RGS3: variants seen among roughly 807,000 people sequenced by gnomAD.
The protein encoded by RGS3 is regulator of G protein signaling 3.
RGS3 carries 80 observed loss-of-function variants against 132.6 expected under a neutral mutation model. The observed-to-expected ratio is 0.60, with a 90% CI of 0.50 to 0.73. The LOEUF (loss-of-function observed/expected upper bound fraction) is 0.73, where lower values mean the gene tolerates loss of function less well. Ranked by LOEUF, RGS3 falls within the 30% of genes least tolerant of loss-of-function variation. The pLI, the probability that RGS3 is intolerant of heterozygous loss-of-function variation, is 0.00. For missense variants in RGS3, 1,382 were observed against 1,530.8 expected (o/e 0.90, Z 1.62); for synonymous variants, 598 against 620.6 (o/e 0.96, Z 0.54).
intron 7 of RGS3, among the ~76,000 whole-genome samples, chr9:113,490,377 T>G (rs974371652): frequency 6.6e-6 from 1 of 152,008 alleles, no homozygotes; most frequent in African/African-American, 2.4e-5. Flanking sequence ...TCTCATCTCA[T>G]CGGTATATAT....
chr9:113,516,784 G>A lies in RGS3; in HGVS notation c.1675-757G>A, dbSNP rs938124101. Among the ~76,000 whole-genome samples the A allele has an allele frequency of 2.0e-5, 3 of 151,664 alleles. No individual in the cohort carries two copies. In the South Asian group the frequency reaches 6.3e-4, roughly 32 times the overall value. On this transcript the variant is annotated intron_variant, in intron 15 of 24. Coordinates refer to ENST00000350696, the Ensembl canonical transcript of RGS3. Reference sequence around the variant, plus strand: ...TGATCACAGCTCACTGTAACCTCAAGCTCCTGGCCTCAAATGATCCTTCCA... The same window carrying A: ...TGATCACAGCTCACTGTAACCTCAAACTCCTGGCCTCAAATGATCCTTCCA...
intron 19 of RGS3, among the ~76,000 whole-genome samples, chr9:113,561,043 A>G (rs1833759460): frequency 6.6e-6 from 1 of 151,978 alleles, no homozygotes; most frequent in African/African-American, 2.4e-5. Context: ...TTTCTTTTTG[A>G]AATGGAGTCT....
At chr9:113,535,521 G>A (rs1295658862) in intron 18 of RGS3, among the ~76,000 whole-genome samples, 2 of 152,194 alleles carry the variant, frequency 1.3e-5, no homozygotes, top group African/African-American at 4.8e-5. Flanking sequence ...ACTAGTGACT[G>A]TTTGTTGAGG....
intron 19 of RGS3, among the ~76,000 whole-genome samples, chr9:113,539,639 C>G (rs1003718601): frequency 1.3e-5 from 2 of 152,176 alleles, no homozygotes; most frequent in Admixed American, 6.5e-5. Flanking sequence ...ACCCCCACCC[C>G]ACCCCTGCAC....
At chr9:113,546,455 C>T (rs766667295) in intron 19 of RGS3, among the ~76,000 whole-genome samples, 5 of 152,084 alleles carry the variant, frequency 3.3e-5, no homozygotes, top group Non-Finnish European at 7.4e-5. Context: ...TTGTCCGGTC[C>T]GTAGTAGGTG....
intron 3 of RGS3, among the ~76,000 whole-genome samples, chr9:113,475,362 GA>G (rs1163710829): frequency 7.2e-5 from 11 of 151,992 alleles, no homozygotes; most frequent in African/African-American, 2.7e-4. Context: ...GGGGAGTGTT[GA>G]AAAAAACAGA....
chr9:113,515,754 CTATATTT>C (rs1310209842), intron 15 of RGS3, among the ~76,000 whole-genome samples: 7 of 152,182 alleles, frequency 4.6e-5, no homozygotes, highest in Non-Finnish European at 1.0e-4. Flanking sequence ...AGACCTTATT[CTATATTT>C]TATATCATGT....
At chr9:113,489,623 T>A (rs72761906) in intron 7 of RGS3, among the ~76,000 whole-genome samples, 27,733 of 151,952 alleles carry the variant, frequency 0.18, 2,646 homozygotes, top group African/African-American at 0.21. Flanking sequence ...TCCTGGGCTC[T>A]AATGACCCTC....
In RGS3 at chr9:113,479,555, T is replaced by C. The variant is rs755581123; in HGVS notation, c.466+14T>C. ...TGCTGCTTCACAGTGAGTACGGCTT[T>C]GTGCAGGCTCACCAAGGAAGGGGCG... On this transcript the variant is annotated intron_variant, in intron 4 of 24. Transcript: ENST00000350696. The C allele has an allele frequency of 6.2e-7, 1 of 1,613,804 alleles. No homozygotes were observed. Among genetic ancestry groups the C allele is most frequent in the South Asian group, 1.1e-5 (1 of 91,048 alleles).
chr9:113,584,404 C>G, exon 20 of RGS3: 1 of 1,523,858 alleles, frequency 6.6e-7, no homozygotes, highest in Non-Finnish European at 8.7e-7. Flanking sequence ...CCACCTTTCC[C>G]TCTTCTTCAC....
chr9:113,526,823 C>A (rs567434964), intron 17 of RGS3, among the ~76,000 whole-genome samples: 2 of 152,298 alleles, frequency 1.3e-5, no homozygotes, highest in Non-Finnish European at 1.5e-5. Context: ...TTTCAAAATG[C>A]CAAGGCAGTT....
intron 10 of RGS3, chr9:113,501,487 C>T: frequency 2.6e-6 from 4 of 1,514,230 alleles, no homozygotes; most frequent in Non-Finnish European, 3.5e-6. Context: ...CCAGGGTGCT[C>T]ATGCCAGGCT....
At chr9:113,566,781 A>G (rs1456758483) in intron 19 of RGS3, among the ~76,000 whole-genome samples, 1 of 152,216 alleles carries the variant, frequency 6.6e-6, no homozygotes, top group East Asian at 1.9e-4. Context: ...GTCCTCTCCC[A>G]GTGCTAGAGT....
intron 8 of RGS3, 73 bp from the exon 7 acceptor site, chr9:113,497,240 AG>A (rs1830716470): frequency 2.5e-6 from 3 of 1,198,646 alleles, no homozygotes; most frequent in Non-Finnish European, 3.7e-6. Flanking sequence ...CTACTTTTGG[AG>A]GGGGATTGGT....
chr9:113,489,738 C>T (rs1052719929), intron 7 of RGS3, among the ~76,000 whole-genome samples: 2 of 151,568 alleles, frequency 1.3e-5, no homozygotes, highest in Non-Finnish European at 2.9e-5. Context: ...CTATGTTGCC[C>T]AGGCTGGTCT....
chr9:113,479,629 A>G lies in RGS3; in HGVS notation c.466+88A>G, dbSNP rs1830099931. 3.4e-6 allele frequency: 4 copies of G among 1,191,754 alleles called. No individual in the cohort carries two copies. In the African/African-American group the frequency reaches 4.5e-5, roughly 13 times the overall value. 73.8% of individuals were successfully genotyped at this position (1,191,754 alleles called of 1,614,324 possible). A position where few individuals can be genotyped will look rare whatever the true frequency, so the allele number is the denominator to read the frequency against. Reference sequence around the variant, plus strand: ...GCTGGGGTTGGGGGATGGTGGCACCATGGGCCAAGGCTTCTTTTCTCATCC... The same window carrying G: ...GCTGGGGTTGGGGGATGGTGGCACCGTGGGCCAAGGCTTCTTTTCTCATCC... On this transcript the variant is annotated intron_variant, in intron 4 of 24. Coordinates refer to ENST00000350696, the Ensembl canonical transcript of RGS3.
At chr9:113,523,595 G>A (rs1832065527) in intron 17 of RGS3, among the ~76,000 whole-genome samples, 1 of 152,148 alleles carries the variant, frequency 6.6e-6, no homozygotes, top group Non-Finnish European at 1.5e-5. Flanking sequence ...AGCCGCTGGG[G>A]CTCAGGCACA....
intron 19 of RGS3, among the ~76,000 whole-genome samples, chr9:113,573,482 C>T (rs1298796830): frequency 6.6e-6 from 1 of 152,198 alleles, no homozygotes; most frequent in Non-Finnish European, 1.5e-5. Context: ...GGAGGCGGCA[C>T]ATGGATAGGA....
chr9:113,485,109 A>G (rs1459191769), intron 6 of RGS3, among the ~76,000 whole-genome samples: 1 of 150,080 alleles, frequency 6.7e-6, no homozygotes, highest in Non-Finnish European at 1.5e-5. Context: ...TTTTTTTGAG[A>G]TGGAGTCTTG....
Sources: allele counts gnomAD v4.1 joint callset (sites outside exome capture counted in the v4.1 genomes callset), GRCh38; gene constraint gnomAD v4.1.1; transcripts MANE v1.5; gene names NCBI Gene and HGNC (gene_info 2026-07-23, HGNC 2026-07-21).